Variants in HUNK observed in about 807,000 individuals in gnomAD.
The protein encoded by HUNK is hormonally up-regulated neu tumor-associated kinase.
A neutral mutation model predicts 61.0 loss-of-function variants in HUNK; 21 were observed. That is an observed-to-expected ratio of 0.34 (90% CI 0.24 to 0.50). The LOEUF (loss-of-function observed/expected upper bound fraction) is 0.50, where lower values mean the gene tolerates loss of function less well. HUNK is among the 20% of genes least tolerant of loss of function. HUNK has a pLI of 0.98. For synonymous variants in HUNK, 371 were observed against 386.1 expected, an observed-to-expected ratio of 0.96 and a Z score of 0.46; for missense variants, 772 against 945.7, an observed-to-expected ratio of 0.82 and a Z score of 2.41.
intron 4 of HUNK, among the ~76,000 whole-genome samples, chr21:31,947,136 T>C (rs1234721366): frequency 2.0e-5 from 3 of 149,124 alleles, no homozygotes; most frequent in Non-Finnish European, 4.4e-5. Context: ...CAGCCCATTC[T>C]CAAGCCATTG....
intron 9 of HUNK, among the ~76,000 whole-genome samples, chr21:31,992,217 C>T (rs1014664958): frequency 4.6e-5 from 7 of 152,214 alleles, no homozygotes; most frequent in African/African-American, 1.7e-4. Flanking sequence ...CCCAGTTGCA[C>T]AGCCATCAGG....
intron 1 of HUNK, among the ~76,000 whole-genome samples, chr21:31,895,055 G>T (rs953904406): frequency 4.6e-5 from 7 of 152,184 alleles, no homozygotes. Flanking sequence ...AATCAGTCCT[G>T]GTCTCTTTCT....
intron 2 of HUNK, among the ~76,000 whole-genome samples, chr21:31,930,619 A>G (rs1336101696): frequency 6.6e-6 from 1 of 152,224 alleles, no homozygotes; most frequent in Non-Finnish European, 1.5e-5. Flanking sequence ...CCTTCTGCAC[A>G]GGCCATAGCT....
chr21:31,981,694 T>G (rs1010214699), intron 7 of HUNK, among the ~76,000 whole-genome samples: 1 of 152,216 alleles, frequency 6.6e-6, no homozygotes, highest in African/African-American at 2.4e-5. Context: ...TATTGATTTT[T>G]GTATATTGAT....
chr21:31,996,394 G>T (rs963563191), intron 10 of HUNK, among the ~76,000 whole-genome samples: 4 of 152,094 alleles, frequency 2.6e-5, no homozygotes, highest in Middle Eastern at 3.4e-3. Flanking sequence ...AGTTCCTTTA[G>T]TGCTGAGGAT....
At chr21:31,965,074 A>T (rs2052953828) in intron 5 of HUNK, among the ~76,000 whole-genome samples, 1 of 152,196 alleles carries the variant, frequency 6.6e-6, no homozygotes, top group Admixed American at 6.5e-5. Flanking sequence ...TGACTCTTCC[A>T]ATGCAGGGTT....
chr21:31,874,547 T>G (rs965139394), intron 1 of HUNK, among the ~76,000 whole-genome samples: 1 of 152,026 alleles, frequency 6.6e-6, no homozygotes, highest in South Asian at 2.1e-4. Flanking sequence ...TGTCCATCCC[T>G]CAACCTGTGC....
At chr21:31,937,886 A>G in intron 2 of HUNK, among the ~76,000 whole-genome samples, 1 of 152,208 alleles carries the variant, frequency 6.6e-6, no homozygotes, top group Admixed American at 6.5e-5. Context: ...TGGACACGTG[A>G]TATCTTTAAA....
intron 3 of HUNK, among the ~76,000 whole-genome samples, chr21:31,943,130 C>A (rs2052780160): frequency 6.6e-6 from 1 of 151,860 alleles, no homozygotes; most frequent in Admixed American, 6.6e-5. Flanking sequence ...ATGATTGCCT[C>A]TTAATAGTTT....
At chr21:31,878,167 G>A (rs1281683413) in intron 1 of HUNK, among the ~76,000 whole-genome samples, 2 of 150,122 alleles carry the variant, frequency 1.3e-5, no homozygotes, top group African/African-American at 4.9e-5. Flanking sequence ...GCTGCAGCAG[G>A]AGAATCGCTT....
chr21:31,966,010 C>T (rs2052963754), intron 5 of HUNK, among the ~76,000 whole-genome samples: 1 of 152,158 alleles, frequency 6.6e-6, no homozygotes, highest in Admixed American at 6.5e-5. Flanking sequence ...CATCCATCGC[C>T]TGAGCAGTGT....
intron 1 of HUNK, among the ~76,000 whole-genome samples, chr21:31,894,232 C>T (rs2052410214): frequency 6.6e-6 from 1 of 152,134 alleles, no homozygotes; most frequent in Admixed American, 6.5e-5. Flanking sequence ...AAGGTCATCC[C>T]AGGGCCTAGG....
At chr21:31,892,180 T>G (rs7279436) in intron 1 of HUNK, among the ~76,000 whole-genome samples, 20,122 of 108,548 alleles carry the variant, frequency 0.19, 2,288 homozygotes, top group Non-Finnish European at 0.27. Context: ...TATATATATA[T>G]AGAGAGAGAG....
Position 31,998,685 on chromosome 21 carries a change from A to T in HUNK, c.1646A>T (p.His549Leu). The stretch of plus-strand genomic sequence containing the variant: ...GGGCCCGGAAGCACTGGCATCCCCC[A>T]CAAGGAAGACCCCCTGATGCTGGAC... ...QPGPGSTGIP[H>L]KEDPLMLDMV... Residue 549 changes from histidine (H) to leucine (L), a missense_variant, in exon 11 of 11, where the codon CAC (histidine) becomes CTC (leucine). His to Leu is a moderately conservative substitution (Grantham distance 99). This residue lies in a region of HUNK where 413 missense variants were observed against 444.4 expected (regional missense o/e 0.93). Transcript: ENST00000270112. 6.2e-7 allele frequency: 1 copy of T among 1,613,974 alleles called. No individual in the cohort carries two copies. Among genetic ancestry groups the T allele is most frequent in the Non-Finnish European group, 8.5e-7 (1 of 1,180,000 alleles).
At chr21:31,883,735 C>T (rs935931884) in intron 1 of HUNK, among the ~76,000 whole-genome samples, 2 of 152,078 alleles carry the variant, frequency 1.3e-5, no homozygotes, top group East Asian at 1.9e-4. Flanking sequence ...CCATGGGTTT[C>T]GTCATACTCT....
intron 1 of HUNK, among the ~76,000 whole-genome samples, chr21:31,888,775 C>CA (rs113801192): frequency 3.4e-4 from 50 of 145,216 alleles, no homozygotes; most frequent in African/African-American, 8.6e-4. Flanking sequence ...CAAAAAAATG[C>CA]AAAAAAAAAG....
chr21:31,968,842 TTGTGTGTGTGTGTGTGTG>T (rs56695834), intron 6 of HUNK, among the ~76,000 whole-genome samples: 1 of 140,470 alleles, frequency 7.1e-6, no homozygotes, highest in African/African-American at 2.7e-5. Context: ...GTGTGTAAAT[TTGTGTGTGTGTGTGTGTG>T]TGTGTGTGTG....
Position 31,928,054 on chromosome 21 carries a change from C to T in HUNK, c.554+3294C>T, listed in dbSNP as rs375067747. ...CCTTGGGTAGCCTGAGGTGTCATAACGCTGCTGTTATTAGGAAAATGATAG... is the reference window on the plus strand; with the variant it reads ...CCTTGGGTAGCCTGAGGTGTCATAATGCTGCTGTTATTAGGAAAATGATAG... On this transcript the variant is annotated intron_variant, in intron 2 of 10. Coordinates refer to ENST00000270112, the MANE Select transcript of HUNK (RefSeq NM_014586.2). 4.6e-5 allele frequency among the ~76,000 whole-genome samples: 7 copies of T among 152,150 alleles called. No homozygotes were observed. The South Asian group carries it at 8.3e-4, about 18-fold the overall frequency.
intron 1 of HUNK, among the ~76,000 whole-genome samples, chr21:31,874,814 C>T (rs1167515356): frequency 2.6e-5 from 4 of 152,178 alleles, no homozygotes; most frequent in African/African-American, 9.7e-5. Context: ...AAAGGGGCAC[C>T]TCTCCAGCCT....
Sources: allele counts gnomAD v4.1 joint callset (sites outside exome capture counted in the v4.1 genomes callset), GRCh38; gene constraint gnomAD v4.1.1; regional missense constraint gnomAD v4.1.1; transcripts MANE v1.5; gene names NCBI Gene and HGNC (gene_info 2026-07-23, HGNC 2026-07-21).